WDR72: variants seen among roughly 807,000 people sequenced by gnomAD.
WDR72 encodes the protein WD repeat-containing protein 72.
A neutral mutation model predicts 124.2 loss-of-function variants in WDR72; 120 were observed. The observed-to-expected ratio is 0.97, with a 90% CI of 0.83 to 1.12. The LOEUF (loss-of-function observed/expected upper bound fraction) is 1.12. WDR72 is among the 50% of genes most tolerant of loss of function. The pLI is 0.00. For missense variants in WDR72, 1,387 were observed against 1,278.8 expected, an observed-to-expected ratio of 1.08 and a Z score of -1.29; for synonymous variants, 452 against 441.7, an observed-to-expected ratio of 1.02 and a Z score of -0.29.
At chr15:53,521,075 A>G (rs1891767762) in intron 19 of WDR72, among the ~76,000 whole-genome samples, 1 of 152,118 alleles carries the variant, frequency 6.6e-6, no homozygotes, top group Non-Finnish European at 1.5e-5. Flanking sequence ...CTGTGTCAGG[A>G]CAAGCACCAA....
chr15:53,621,138 AT>A (rs2013973646), intron 14 of WDR72, among the ~76,000 whole-genome samples: 1 of 151,950 alleles, frequency 6.6e-6, no homozygotes, highest in Non-Finnish European at 1.5e-5. Context: ...TAATAAAAAA[AT>A]AATAGATGTT....
At chr15:53,662,368 A>C (rs2015637066) in intron 14 of WDR72, among the ~76,000 whole-genome samples, 1 of 152,174 alleles carries the variant, frequency 6.6e-6, no homozygotes, top group African/African-American at 2.4e-5. Context: ...ACTTTTCCCC[A>C]GATCTATATG....
Position 53,699,906 on chromosome 15 carries a change from G to A in WDR72, c.1609C>T (p.His537Tyr). ...EQIICCVCGD[H>Y]SVALLHLEGK... ...TCAAGGTGAAGGAGAGCCACGGAAT[G>A]GTCACCGCACACACAGCAAATTATC... The change falls in exon 13 of 20, where the codon CAT becomes TAT. Residue 537 changes from histidine to tyrosine, a missense_variant. Transcript: ENST00000360509. 2 of 1,614,130 alleles carry A rather than the reference G, an allele frequency of 1.2e-6. No individual in the cohort carries two copies. The highest frequency in any genetic ancestry group is 1.7e-6 in the Non-Finnish European group (2 of 1,180,036).
intron 18 of WDR72, among the ~76,000 whole-genome samples, chr15:53,569,948 C>T (rs1199180090): frequency 6.6e-6 from 1 of 152,042 alleles, no homozygotes; most frequent in Non-Finnish European, 1.5e-5. Context: ...CGGTGATTCA[C>T]ACTTAACAAC....
intron 2 of WDR72, among the ~76,000 whole-genome samples, chr15:53,730,390 G>C (rs2018165991): frequency 6.6e-6 from 1 of 152,154 alleles, no homozygotes; most frequent in South Asian, 2.1e-4. Flanking sequence ...ACTGGACTCC[G>C]AGAAACTTGG....
chr15:53,606,418 T>A (rs2013284847), intron 17 of WDR72, among the ~76,000 whole-genome samples: 1 of 152,152 alleles, frequency 6.6e-6, no homozygotes. Flanking sequence ...CATTCACTCA[T>A]TAAATATGTA....
intron 4 of WDR72, among the ~76,000 whole-genome samples, chr15:53,715,841 A>C (rs909135416): frequency 2.0e-5 from 3 of 152,178 alleles, no homozygotes; most frequent in Non-Finnish European, 4.4e-5. Flanking sequence ...TAATAGCAAC[A>C]ACAAAACCCA....
chr15:53,651,279 G>T (rs966358690), intron 14 of WDR72, among the ~76,000 whole-genome samples: 2 of 152,148 alleles, frequency 1.3e-5, no homozygotes, highest in Non-Finnish European at 2.9e-5. Flanking sequence ...CTTCTCTGAT[G>T]TTCTCTGACC....
intron 13 of WDR72, among the ~76,000 whole-genome samples, chr15:53,688,689 T>C (rs1420686798): frequency 6.6e-6 from 1 of 152,134 alleles, no homozygotes; most frequent in African/African-American, 2.4e-5. Context: ...ACCAATGCCT[T>C]TCTTCACAGA....
intron 19 of WDR72, among the ~76,000 whole-genome samples, chr15:53,522,802 G>A (rs963490608): frequency 6.6e-6 from 1 of 152,000 alleles, no homozygotes; most frequent in South Asian, 2.1e-4. Flanking sequence ...TTTGTTTCTA[G>A]AAAGGTAAAT....
intron 14 of WDR72, among the ~76,000 whole-genome samples, chr15:53,616,934 TTTC>T (rs2013790991): frequency 6.6e-6 from 1 of 151,964 alleles, no homozygotes; most frequent in South Asian, 2.1e-4. Flanking sequence ...GAAAAATTTA[TTTC>T]TTTATTGTAT....
chr15:53,584,152 G>A (rs529907692), intron 18 of WDR72, among the ~76,000 whole-genome samples: 4 of 152,006 alleles, frequency 2.6e-5, no homozygotes, highest in South Asian at 2.1e-4. Context: ...AATGGTAAAC[G>A]ATTACAGATG....
At chr15:53,519,544 C>T (rs1891665859) in intron 19 of WDR72, among the ~76,000 whole-genome samples, 1 of 152,090 alleles carries the variant, frequency 6.6e-6, no homozygotes, top group Admixed American at 6.6e-5. Flanking sequence ...ATCTGGGATT[C>T]ACCTGTGAGT....
At chr15:53,521,284 C>A (rs192797008) in intron 19 of WDR72, among the ~76,000 whole-genome samples, 8 of 152,084 alleles carry the variant, frequency 5.3e-5, no homozygotes, top group Non-Finnish European at 1.2e-4. Context: ...ATTCCTCACA[C>A]TGGCTTGGCC....
At chr15:53,604,913 T>C (rs2140351620) in intron 17 of WDR72, among the ~76,000 whole-genome samples, 1 of 152,310 alleles carries the variant, frequency 6.6e-6, no homozygotes, top group Non-Finnish European at 1.5e-5. Context: ...GTTCAGCCAT[T>C]GTGGAAGACA....
At chr15:53,563,565 T>C (rs1894196804) in intron 18 of WDR72, among the ~76,000 whole-genome samples, 1 of 151,830 alleles carries the variant, frequency 6.6e-6, no homozygotes, top group Non-Finnish European at 1.5e-5. Context: ...CACCCAGGTA[T>C]TAAGCCCATT....
chr15:53,704,288 G>T (rs1228786229), intron 11 of WDR72, among the ~76,000 whole-genome samples: 1 of 152,118 alleles, frequency 6.6e-6, no homozygotes, highest in Non-Finnish European at 1.5e-5. Flanking sequence ...ATTTTAATTA[G>T]ATTTGTTTAA....
At chr15:53,535,075 T>C (rs1225882711) in intron 18 of WDR72, among the ~76,000 whole-genome samples, 2 of 152,134 alleles carry the variant, frequency 1.3e-5, no homozygotes, top group Admixed American at 6.6e-5. Context: ...TTTGTCATAA[T>C]TTAACTAGAT....
chr15:53,657,263 C>CAAAAAAAAAAAAAAAAAAAAAA (rs10549551), intron 14 of WDR72, among the ~76,000 whole-genome samples: 7 of 56,404 alleles, frequency 1.2e-4, no homozygotes, highest in African/African-American at 2.3e-4. Flanking sequence ...GACTCCATCT[C>CAAAAAAAAAAAAAAAAAAAAAA]AAAAAAAAAA....
Sources: gnomAD v4.1 joint callset for allele counts (sites outside exome capture counted in the v4.1 genomes callset) on GRCh38, gnomAD v4.1.1 for gene constraint, MANE v1.5 for transcripts, NCBI Gene and HGNC (gene_info 2026-07-23, HGNC 2026-07-21) for gene names.